The following KYAT3 variants were observed in gnomAD, a reference collection of about 807,000 sequenced individuals.
The protein encoded by KYAT3 is kynurenine--oxoglutarate transaminase 3.
A neutral mutation model predicts 59.0 loss-of-function variants in KYAT3; 50 were observed. The ratio of observed to expected loss-of-function variants is 0.85; its 90% CI spans 0.68 to 1.07. The LOEUF (loss-of-function observed/expected upper bound fraction) is 1.07. Among genes scored for constraint, KYAT3 ranks in the 50% least tolerant of loss-of-function variants. The pLI is 0.00. For synonymous variants in KYAT3, 148 were observed against 177.0 expected, an observed-to-expected ratio of 0.84 and a Z score of 1.30; for missense variants, 497 against 533.3, an observed-to-expected ratio of 0.93 and a Z score of 0.67.
chr1:88,960,874 T>G (rs994367975), intron 8 of KYAT3, among the ~76,000 whole-genome samples: 7 of 152,246 alleles, frequency 4.6e-5, no homozygotes, highest in Non-Finnish European at 1.0e-4. Context: ...CTGTGTCTTA[T>G]GTACCAAGTA....
chr1:88,922,477 G>A, the KYAT3 span, among the ~76,000 whole-genome samples: 3 of 152,172 alleles, frequency 2.0e-5, no homozygotes, highest in African/African-American at 4.8e-5. Flanking sequence ...AGCGGTGGGT[G>A]AGCAAGCATT....
At chr1:88,952,895 C>A (rs10922526) in intron 10 of KYAT3, among the ~76,000 whole-genome samples, 168 bp downstream of exon 10, 1 of 152,074 alleles carries the variant, frequency 6.6e-6, no homozygotes, top group Non-Finnish European at 1.5e-5. Flanking sequence ...AAACCCAAAC[C>A]ATGCTTGATA....
At chr1:88,982,937 G>C in intron 2 of KYAT3, 1 of 1,613,982 alleles carries the variant, frequency 6.2e-7, no homozygotes, top group South Asian at 1.1e-5. Flanking sequence ...GGGCCCTCGT[G>C]TAAGTGGAGC....
chr1:88,921,327 TC>T, the KYAT3 span, among the ~76,000 whole-genome samples: 1 of 152,240 alleles, frequency 6.6e-6, no homozygotes, highest in Non-Finnish European at 1.5e-5. Context: ...AGGGAAGCCC[TC>T]CTTGAGCACT....
At chr1:88,952,784 T>G (rs969878625) in intron 10 of KYAT3, among the ~76,000 whole-genome samples, 5 of 152,178 alleles carry the variant, frequency 3.3e-5, no homozygotes, top group Non-Finnish European at 5.9e-5. Context: ...GGCAAACACA[T>G]GTGTAATTTT....
Position 88,937,104 on chromosome 1 carries a change from C to A in KYAT3, c.1303-859G>T, listed in dbSNP as rs780170635. Among the ~76,000 whole-genome samples the A allele has an allele frequency of 2.6e-5, 4 of 152,160 alleles. No homozygotes were observed. The South Asian group carries it at 6.2e-4, about 24-fold the overall frequency. On this transcript the variant is annotated intron_variant, in intron 13 of 13. Transcript: ENST00000260508. ...GGTGGCCTCATGCAGGGTCCTGGAG[C>A]CTGGATGAGATGAGGCAGGCATCTG...
At chr1:88,992,199 C>A (rs564316760) in intron 1 of KYAT3, among the ~76,000 whole-genome samples, 46 of 152,222 alleles carry the variant, frequency 3.0e-4, no homozygotes, top group Admixed American at 1.9e-3. Context: ...AGGATGGTCT[C>A]GATCTCCTGA....
chr1:88,937,954 GC>G (rs1675100500), intron 13 of KYAT3, among the ~76,000 whole-genome samples: 1 of 152,084 alleles, frequency 6.6e-6, no homozygotes, highest in South Asian at 2.1e-4. Context: ...CATGATTCTA[GC>G]CTGAATTAAT....
chr1:88,986,381 T>G (rs1464681243), intron 2 of KYAT3, among the ~76,000 whole-genome samples: 1 of 151,478 alleles, frequency 6.6e-6, no homozygotes. Context: ...ATCCCAGCAC[T>G]TTGGGAGGCC....
intron 11 of KYAT3, among the ~76,000 whole-genome samples, chr1:88,948,008 C>T (rs1675513356): frequency 6.6e-6 from 1 of 152,142 alleles, no homozygotes; most frequent in Non-Finnish European, 1.5e-5. Context: ...GGCAGGATGG[C>T]TTGAGCCCAG....
chr1:88,955,192 G>C lies in KYAT3; in HGVS notation c.821C>G (p.Thr274Arg). 6.2e-7 allele frequency: 1 copy of C among 1,612,252 alleles called. No homozygotes were observed. Among genetic ancestry groups the C allele is most frequent in the Admixed American group, 1.7e-5 (1 of 59,992 alleles). Residue 274 changes from threonine (T) to arginine (R), a missense_variant, in exon 9 of 14, where the codon ACA (threonine) becomes AGA (arginine). By Grantham distance (71) the Thr-to-Arg change is moderately conservative (BLOSUM62 -1). Around this residue, in one of 2 missense-constraint regions of KYAT3, gnomAD observed 469 missense variants for 479.1 expected, o/e 0.98. Coordinates refer to ENST00000260508, the MANE Select transcript of KYAT3 (RefSeq NM_001008661.3). ...GAAAGTCTTTCCAGCACTTCCTATT[G>C]TTATTGTTCTCTCCCACATACCTGG... ...TFPGMWERTI[T>R]IGSAGKTFSV... is the part of the protein sequence containing the mutation.
At chr1:88,926,546 G>T in the KYAT3 span, among the ~76,000 whole-genome samples, 2 of 152,268 alleles carry the variant, frequency 1.3e-5, no homozygotes, top group African/African-American at 4.8e-5. Context: ...AAACTCCTGG[G>T]CTCAAGCGAT....
chr1:88,946,673 T>A (rs944670246), intron 11 of KYAT3, among the ~76,000 whole-genome samples: 3 of 152,154 alleles, frequency 2.0e-5, no homozygotes, highest in African/African-American at 2.4e-5. Context: ...TAATTTTTTT[T>A]ATCATTTCAT....
At chr1:88,949,050 T>A in intron 11 of KYAT3, 41 bp downstream of exon 11, 1 of 1,414,886 alleles carries the variant, frequency 7.1e-7, no homozygotes, top group Non-Finnish European at 9.4e-7. Flanking sequence ...ATTTCACACA[T>A]AAGTTTCCGT....
At chr1:88,982,081 A>G in intron 2 of KYAT3, 1 of 986,216 alleles carries the variant, frequency 1.0e-6, no homozygotes, top group Non-Finnish European at 1.2e-6. Flanking sequence ...AATGTCAGAA[A>G]GGCAAAATGG....
intron 2 of KYAT3, among the ~76,000 whole-genome samples, chr1:88,976,169 C>T (rs554551707): frequency 3.6e-4 from 55 of 152,008 alleles, no homozygotes; most frequent in African/African-American, 1.3e-3. Flanking sequence ...CCAGCCTGGC[C>T]AATATGGTGA....
At chr1:88,965,845 G>C (rs1260897177) in intron 4 of KYAT3, among the ~76,000 whole-genome samples, 5 of 152,150 alleles carry the variant, frequency 3.3e-5, no homozygotes, top group Non-Finnish European at 5.9e-5. Flanking sequence ...AGCACTTTGG[G>C]CTCTGGAGCA....
At chr1:88,975,210 A>C (rs1438608115) in intron 2 of KYAT3, among the ~76,000 whole-genome samples, 1 of 152,218 alleles carries the variant, frequency 6.6e-6, no homozygotes, top group Non-Finnish European at 1.5e-5. Context: ...TGTAACACTC[A>C]CCACAAGGGT....
intron 1 of KYAT3, among the ~76,000 whole-genome samples, chr1:88,992,007 C>T (rs6660894): frequency 0.2 from 28,026 of 142,226 alleles, 3,261 homozygotes; most frequent in East Asian, 0.38. Context: ...GAGACGGAGT[C>T]TTGCTCTGTC....
Sources: gnomAD v4.1 joint callset for allele counts (sites outside exome capture counted in the v4.1 genomes callset) on GRCh38, gnomAD v4.1.1 for gene constraint, gnomAD v4.1.1 regional missense constraint, MANE v1.5 for transcripts, NCBI Gene and HGNC (gene_info 2026-07-23, HGNC 2026-07-21) for gene names.